Variants in DYNC1H1 observed in about 807,000 individuals in gnomAD.
DYNC1H1 encodes cytoplasmic dynein 1 heavy chain 1.
Under a neutral mutation model 527.1 loss-of-function variants are expected in DYNC1H1, and 51 were observed. The observed-to-expected ratio is 0.10, with a 90% CI of 0.08 to 0.12. The LOEUF (loss-of-function observed/expected upper bound fraction) is 0.12, where lower values mean the gene tolerates loss of function less well. DYNC1H1 is among the 10% of genes least tolerant of loss of function. DYNC1H1 has a pLI of 1.00. For missense variants in DYNC1H1, 2,771 were observed against 5,971.8 expected (o/e 0.46, Z 17.66); for synonymous variants, 2,189 against 2,278.8 (o/e 0.96, Z 1.12).
chr14:101,991,686 T>C lies in DYNC1H1; in HGVS notation c.3015+13T>C. ...TCAGAGGTACCAGGTAAGCCTTTGGTGACTCGAGGCACACGCCTCTGACCA... is the reference window on the plus strand; with the variant it reads ...TCAGAGGTACCAGGTAAGCCTTTGGCGACTCGAGGCACACGCCTCTGACCA... On this transcript the variant is annotated intron_variant, in intron 11 of 77. Transcript: ENST00000360184. The C allele has an allele frequency of 7.4e-6, 12 of 1,614,144 alleles. No homozygotes were observed. The highest frequency in any genetic ancestry group is 1.0e-5 in the Non-Finnish European group (12 of 1,180,024).
rs1357630902 is a variant in DYNC1H1, at chr14:102,034,853, G to A, written c.10754+401G>A. 1.2e-5 allele frequency: 4 copies of A among 325,146 alleles called. No individual in the cohort carries two copies. In the Admixed American group the frequency reaches 1.3e-4, roughly 10 times the overall value. 20.1% of individuals were successfully genotyped at this position (325,146 alleles called of 1,614,324 possible). A position where few individuals can be genotyped will look rare whatever the true frequency, so the allele number is the denominator to read the frequency against. ...AGACAGGAAAATCTCTTGAACCCAG[G>A]AGGCAGAGGTTGCGGTGAGCCGAGA... On this transcript the variant is annotated intron_variant, in intron 56 of 77. Transcript: ENST00000360184.
chr14:102,043,088 C>T (rs2048672078), intron 69 of DYNC1H1: 1 of 358,528 alleles, frequency 2.8e-6, no homozygotes, highest in African/African-American at 2.1e-5. Context: ...TCAAGACCAG[C>T]ATGGCCAACA....
At chr14:101,977,926 G>A (rs966042315) in intron 2 of DYNC1H1, among the ~76,000 whole-genome samples, 11 of 148,852 alleles carry the variant, frequency 7.4e-5, no homozygotes, top group Non-Finnish European at 8.9e-5. Flanking sequence ...TCACTCTGCC[G>A]TCCAAGCTGG....
chr14:102,046,029 G>A (rs2048712918), intron 72 of DYNC1H1, among the ~76,000 whole-genome samples: 1 of 152,064 alleles, frequency 6.6e-6, no homozygotes, highest in Non-Finnish European at 1.5e-5. Context: ...TTAGCCGGGT[G>A]TGGTGGCGGG....
rs2141272236 is a variant in DYNC1H1 at position 101,983,003 on chromosome 14, T to G, written c.962-16T>G. On this transcript the variant is annotated splice_polypyrimidine_tract_variant and intron_variant, in intron 5 of 77. Coordinates refer to ENST00000360184, the MANE Select transcript of DYNC1H1 (RefSeq NM_001376.5). The surrounding 1 kb of genome is among the most constrained non-coding windows in gnomAD (Gnocchi z 5.3). ...ACTTTATGTGAAAACCATTAACTCTTTCTCTGTTAATATAGGTCTAAAACA... is the reference window on the plus strand; with the variant it reads ...ACTTTATGTGAAAACCATTAACTCTGTCTCTGTTAATATAGGTCTAAAACA... 2.5e-6 allele frequency: 4 copies of G among 1,613,722 alleles called. No individual in the cohort carries two copies. The highest frequency in any genetic ancestry group is 3.4e-6 in the Non-Finnish European group (4 of 1,179,826).
Position 101,988,745 on chromosome 14 carries a change from G to A in DYNC1H1, c.2761G>A (p.Ala921Thr). ...LGVRLQAGLR[A>T]WTQVLLGQAE... Reference sequence around the variant, plus strand: ...CGTCCGTCTGCAAGCTGGCCTGAGAGCTTGGACGCAGGTTCTTCTTGGACA... The same window carrying A: ...CGTCCGTCTGCAAGCTGGCCTGAGAACTTGGACGCAGGTTCTTCTTGGACA... Residue 921 changes from alanine to threonine, a missense_variant, in exon 10 of 78, where the codon GCT (alanine) becomes ACT (threonine). Around this residue, in one of 32 missense-constraint regions of DYNC1H1, gnomAD observed 179 missense variants for 349.4 expected, o/e 0.51. Transcript: ENST00000360184. The A allele has an allele frequency of 6.2e-7, 1 of 1,614,178 alleles. No homozygotes were observed. Among genetic ancestry groups the A allele is most frequent in the Non-Finnish European group, 8.5e-7 (1 of 1,180,036 alleles).
chr14:101,978,542 G>A (rs1458163201), intron 2 of DYNC1H1, among the ~76,000 whole-genome samples: 3 of 152,172 alleles, frequency 2.0e-5, no homozygotes, highest in Admixed American at 2.0e-4. Context: ...TACCTTGAAG[G>A]CATTAATTTA....
intron 56 of DYNC1H1, chr14:102,034,705 C>G: frequency 5.0e-6 from 3 of 599,356 alleles, no homozygotes; most frequent in Non-Finnish European, 8.8e-6. Flanking sequence ...CAGTGGATCA[C>G]GTGAGGTCAG....
Position 102,038,825 on chromosome 14 carries a change from G to T in DYNC1H1, c.11183G>T (p.Arg3728Leu). 1 of 1,614,174 alleles carries T rather than the reference G, an allele frequency of 6.2e-7. No individual in the cohort carries two copies. The highest frequency in any genetic ancestry group is 1.1e-5 in the South Asian group (1 of 91,078). The change falls in exon 59 of 78, where the codon CGA becomes CTA. Residue 3728 changes from arginine to leucine, a missense_variant. Around this residue, in one of 32 missense-constraint regions of DYNC1H1, gnomAD observed 283 missense variants for 737.6 expected, o/e 0.38. Coordinates refer to ENST00000360184, the MANE Select transcript of DYNC1H1 (RefSeq NM_001376.5). This position sits in a 1 kb window ranked among gnomAD's most constrained non-coding sequence, Gnocchi z 7.2. ...GAAAGACCTGATGTGGACGAGAAAC[G>T]ATCTGATCTTCTTAAACTTCAAGGT... ...KAERPDVDEK[R>L]SDLLKLQGEF...
Position 102,015,775 on chromosome 14 carries a change from T to A in DYNC1H1, c.7243-81T>A. The A allele has an allele frequency of 6.7e-7, 1 of 1,494,894 alleles. No homozygotes were observed. The highest frequency in any genetic ancestry group is 9.2e-7 in the Non-Finnish European group (1 of 1,089,524). The allele number at this position is 1,494,894 out of a possible 1,614,324, so 92.6% of individuals were successfully genotyped here. A position where few individuals can be genotyped will look rare whatever the true frequency, so the allele number is the denominator to read the frequency against. Reference sequence around the variant, plus strand: ...ATGAGTTTTCCAAGGTCGTATGACCTTCTCCTGGGACCAGGTTAGAATCGA... The same window carrying A: ...ATGAGTTTTCCAAGGTCGTATGACCATCTCCTGGGACCAGGTTAGAATCGA... On this transcript the variant is annotated intron_variant, in intron 35 of 77. Coordinates refer to ENST00000360184, the MANE Select transcript of DYNC1H1 (RefSeq NM_001376.5). The surrounding 1 kb of genome is among the most constrained non-coding windows in gnomAD (Gnocchi z 6.9).
At position 101,979,410 on chromosome 14, in the gene DYNC1H1, T is replaced by A; in HGVS notation, c.436T>A (p.Tyr146Asn). The change falls in exon 3 of 78, where the codon TAC becomes AAC. Residue 146 changes from tyrosine (Y) to asparagine (N), a missense_variant. Around this residue, in one of 32 missense-constraint regions of DYNC1H1, gnomAD observed 146 missense variants for 288.1 expected, o/e 0.51. Coordinates refer to ENST00000360184, the MANE Select transcript of DYNC1H1 (RefSeq NM_001376.5). This position sits in a 1 kb window ranked among gnomAD's most constrained non-coding sequence, Gnocchi z 4.6. ...RVLTLSEDSP[Y>N]ETLHSFISNA... The stretch of plus-strand genomic sequence containing the variant: ...CCTTACACTCAGTGAAGACTCGCCC[T>A]ACGAAACTTTGCATTCTTTCATTAG... The A allele has an allele frequency of 6.2e-7, 1 of 1,614,240 alleles. No individual in the cohort carries two copies. Among genetic ancestry groups the A allele is most frequent in the Non-Finnish European group, 8.5e-7 (1 of 1,180,036 alleles).
intron 11 of DYNC1H1, among the ~76,000 whole-genome samples, chr14:101,992,655 G>A (rs971435251): frequency 3.3e-5 from 5 of 152,088 alleles, no homozygotes; most frequent in Non-Finnish European, 7.4e-5. Flanking sequence ...TCATAAGGAA[G>A]CTCCCTTCTC....
chr14:101,977,365 T>A (rs1228248829), intron 2 of DYNC1H1, among the ~76,000 whole-genome samples: 2 of 152,180 alleles, frequency 1.3e-5, no homozygotes, highest in African/African-American at 4.8e-5. Context: ...TATATAGAAC[T>A]CCCAGATATC....
chr14:102,051,539 A>C lies in DYNC1H1; in HGVS notation c.*976A>C, dbSNP rs905791116. On this transcript the variant is annotated 3_prime_UTR_variant, in exon 78 of 78. Transcript: ENST00000360184. ...TGTGCTGTAGATGAGGGAGTTGCCCATCGCCGCCCTAGCAAGTCCATTCCC... is the reference window on the plus strand; with the variant it reads ...TGTGCTGTAGATGAGGGAGTTGCCCCTCGCCGCCCTAGCAAGTCCATTCCC... 1.3e-5 allele frequency: 2 copies of C among 152,094 alleles called. No individual in the cohort carries two copies. Among genetic ancestry groups the C allele is most frequent in the African/African-American group, 4.8e-5 (2 of 41,368 alleles). The allele number at this position is 152,094 out of a possible 1,614,324, so 9.4% of individuals were successfully genotyped here.
At chr14:101,975,977 G>A (rs1277414672) in intron 2 of DYNC1H1, among the ~76,000 whole-genome samples, 178 bp downstream of exon 2, 1 of 150,196 alleles carries the variant, frequency 6.7e-6, no homozygotes, top group Admixed American at 6.6e-5. Flanking sequence ...GCGCGATCTC[G>A]GCTCACTGCA....
intron 5 of DYNC1H1, among the ~76,000 whole-genome samples, chr14:101,982,081 C>T (rs1011622370): frequency 3.3e-5 from 5 of 152,186 alleles, no homozygotes; most frequent in Admixed American, 6.5e-5. Flanking sequence ...GCTCTGCCCC[C>T]GTCACATGAG....
At position 102,000,288 on chromosome 14, in the gene DYNC1H1, G is replaced by A. The variant is rs1281328641; in HGVS notation, c.3963G>A (p.Val1321=). The A allele has an allele frequency of 6.2e-7, 1 of 1,614,126 alleles. No homozygotes were observed. The highest frequency in any genetic ancestry group is 1.7e-5 in the Admixed American group (1 of 60,014). The change falls in exon 18 of 78, where the codon GTG becomes GTA. Residue 1321 remains valine, a splice_region_variant and synonymous_variant. Transcript: ENST00000360184. The part of the protein sequence containing the change: ...LLSGSEERVQ[V]ALEELQDLKG... ...TGCTTTACTATTCTCAATCGCAGGTGGCCTTAGAAGAATTACAGGACCTCA... is the reference window on the plus strand; with the variant it reads ...TGCTTTACTATTCTCAATCGCAGGTAGCCTTAGAAGAATTACAGGACCTCA...
intron 23 of DYNC1H1, among the ~76,000 whole-genome samples, 182 bp downstream of exon 23, chr14:102,003,147 C>T (rs944633008): frequency 1.3e-5 from 2 of 152,142 alleles, no homozygotes; most frequent in Non-Finnish European, 2.9e-5. Flanking sequence ...ACTGATTGTA[C>T]CTACCTTGGA....
intron 50 of DYNC1H1, 95 bp from the exon 51 acceptor site, chr14:102,030,067 T>A: frequency 9.3e-6 from 15 of 1,608,968 alleles, no homozygotes; most frequent in Non-Finnish European, 1.3e-5. Context: ...AGTGTGTGTG[T>A]GTGTGTGTGT....
Sources: allele counts gnomAD v4.1 joint callset (sites outside exome capture counted in the v4.1 genomes callset), GRCh38; gene constraint gnomAD v4.1.1; regional missense constraint gnomAD v4.1.1; non-coding constraint Gnocchi (gnomAD v3.1); transcripts MANE v1.5; gene names NCBI Gene and HGNC (gene_info 2026-07-23, HGNC 2026-07-21).